Variants in PARD3B observed in about 807,000 individuals in gnomAD.
PARD3B encodes the protein par-3 family cell polarity regulator beta, also known as partitioning defective 3 homolog B.
Under a neutral mutation model 130.2 loss-of-function variants are expected in PARD3B, and 103 were observed. The ratio of observed to expected loss-of-function variants is 0.79; its 90% CI spans 0.67 to 0.93. PARD3B has a LOEUF of 0.93. Among genes scored for constraint, PARD3B ranks in the 40% least tolerant of loss-of-function variants. PARD3B has a pLI of 0.00. For synonymous variants in PARD3B, 583 were observed against 553.2 expected, an observed-to-expected ratio of 1.05 and a Z score of -0.76; for missense variants, 1,609 against 1,499.2, an observed-to-expected ratio of 1.07 and a Z score of -1.21.
intron 4 of PARD3B, among the ~76,000 whole-genome samples, chr2:205,086,853 T>C (rs1043835136): frequency 5.3e-5 from 8 of 152,298 alleles, no homozygotes; most frequent in Middle Eastern, 3.4e-3. Context: ...ATAAATCAAA[T>C]TGTGCAATTC....
At chr2:205,017,937 A>C (rs1036672777) in intron 3 of PARD3B, among the ~76,000 whole-genome samples, 4 of 152,190 alleles carry the variant, frequency 2.6e-5, no homozygotes, top group Non-Finnish European at 5.9e-5. Flanking sequence ...CAGATAAGGA[A>C]CTAGAACTCT....
At position 205,160,114 on chromosome 2, in the gene PARD3B, T is replaced by A. The variant is rs1260017420; in HGVS notation, c.1620+1207T>A. ...TCAGACTAGATGTGGAGATAATGCC[T>A]TTTTCACTGGGAAATAAATGTACTT... On this transcript the variant is annotated intron_variant, in intron 11 of 22. Coordinates refer to ENST00000406610, the MANE Select transcript of PARD3B (RefSeq NM_001302769.2). The surrounding 1 kb of genome is among the most constrained non-coding windows in gnomAD (Gnocchi z 4.0). Among the ~76,000 whole-genome samples, 1 of 152,224 alleles carries A rather than the reference T, an allele frequency of 6.6e-6. No individual in the cohort carries two copies.
Position 204,585,577 on chromosome 2 carries a change from C to T in PARD3B, c.120+39458C>T, listed in dbSNP as rs538934590. Among the ~76,000 whole-genome samples, 5 of 151,344 alleles carry T rather than the reference C, an allele frequency of 3.3e-5. 1 individual carries two copies. The highest frequency in any genetic ancestry group is 6.8e-3 in the Middle Eastern group (2 of 294). ...CTGGCTGGTCCCAAACTCCTGGCCT[C>T]AAGTGATTTTCCTTCCTTGGCCTCC... On this transcript the variant is annotated intron_variant, in intron 1 of 22. Coordinates refer to ENST00000406610, the MANE Select transcript of PARD3B (RefSeq NM_001302769.2).
intron 11 of PARD3B, among the ~76,000 whole-genome samples, chr2:205,170,823 C>G (rs1301139909): frequency 1.5e-5 from 2 of 135,872 alleles, no homozygotes; most frequent in South Asian, 4.6e-4. Context: ...ACATTTCATT[C>G]TGTTAATTTG....
intron 20 of PARD3B, among the ~76,000 whole-genome samples, chr2:205,457,047 G>A (rs548795535): frequency 6.6e-6 from 1 of 151,610 alleles, no homozygotes; most frequent in Non-Finnish European, 1.5e-5. Context: ...TTTCTGGAAA[G>A]GATTGTGTAG....
At chr2:204,647,370 A>AT (rs1009444557) in intron 1 of PARD3B, among the ~76,000 whole-genome samples, 34 of 150,032 alleles carry the variant, frequency 2.3e-4, no homozygotes, top group Admixed American at 4.0e-4. Flanking sequence ...TTATACATGT[A>AT]TTTTTTTTAA....
At chr2:205,377,735 G>A (rs564740849) in intron 18 of PARD3B, among the ~76,000 whole-genome samples, 2 of 150,842 alleles carry the variant, frequency 1.3e-5, no homozygotes, top group Admixed American at 6.6e-5. Flanking sequence ...TTTTGATATC[G>A]AGACCAAGTA....
In PARD3B at chr2:205,011,072, G is replaced by A. The variant is rs984754609; in HGVS notation, c.395-36509G>A. On this transcript the variant is annotated intron_variant, in intron 3 of 22. Transcript: ENST00000406610. The surrounding 1 kb of genome is among the most constrained non-coding windows in gnomAD (Gnocchi z 4.1). ...AGTGGTGGAAGGTATCCCCTAAGCT[G>A]GTAGCACCATTAGGCTAATTGGATA... Among the ~76,000 whole-genome samples, 3 of 152,176 alleles carry A rather than the reference G, an allele frequency of 2.0e-5. No homozygotes were observed. The highest frequency in any genetic ancestry group is 4.8e-5 in the African/African-American group (2 of 41,416).
intron 20 of PARD3B, among the ~76,000 whole-genome samples, chr2:205,475,811 A>T (rs556022106): frequency 1.3e-5 from 2 of 152,318 alleles, no homozygotes; most frequent in East Asian, 3.9e-4. Context: ...TGAAGTGGGC[A>T]TCATATTTGT....
chr2:205,579,228 T>C (rs554447347), intron 22 of PARD3B, among the ~76,000 whole-genome samples: 113 of 152,028 alleles, frequency 7.4e-4, no homozygotes, highest in African/African-American at 2.7e-3. Flanking sequence ...GGGGTGGAGG[T>C]GAGGAATGTC....
chr2:204,567,317 A>G (rs1462022866), intron 1 of PARD3B, among the ~76,000 whole-genome samples: 1 of 152,054 alleles, frequency 6.6e-6, no homozygotes, highest in Non-Finnish European at 1.5e-5. Flanking sequence ...CCCACCTACA[A>G]AACTTGTTCA....
At chr2:204,618,395 TA>T (rs1287623796) in intron 1 of PARD3B, among the ~76,000 whole-genome samples, 1 of 152,136 alleles carries the variant, frequency 6.6e-6, no homozygotes, top group Non-Finnish European at 1.5e-5. Flanking sequence ...TCTACATGTA[TA>T]AAATTATATT....
intron 18 of PARD3B, among the ~76,000 whole-genome samples, chr2:205,396,891 C>T (rs1000894541): frequency 6.6e-6 from 1 of 152,252 alleles, no homozygotes; most frequent in Middle Eastern, 3.4e-3. Context: ...GGAAGATAAA[C>T]CTCCTCAATT....
intron 1 of PARD3B, among the ~76,000 whole-genome samples, chr2:204,654,945 C>T (rs2035595171): frequency 6.6e-6 from 1 of 152,108 alleles, no homozygotes; most frequent in African/African-American, 2.4e-5. Flanking sequence ...TTTGAGACCT[C>T]CTAAAACAAG....
At chr2:204,776,920 T>G (rs975528019) in intron 2 of PARD3B, among the ~76,000 whole-genome samples, 15 of 148,932 alleles carry the variant, frequency 1.0e-4, no homozygotes, top group Non-Finnish European at 1.9e-4. Context: ...AAAACAGGAG[T>G]GTGTATGTGA....
chr2:204,851,392 T>C (rs568449421), intron 2 of PARD3B, among the ~76,000 whole-genome samples: 2 of 152,212 alleles, frequency 1.3e-5, no homozygotes, highest in African/African-American at 4.8e-5. Context: ...TTTAATAGAA[T>C]AGCAGAAGAA....
intron 4 of PARD3B, among the ~76,000 whole-genome samples, chr2:205,092,807 C>T (rs1702187602): frequency 6.6e-6 from 1 of 152,064 alleles, no homozygotes; most frequent in African/African-American, 2.4e-5. Context: ...CCTTTCTCAG[C>T]TGGTGAGAAT....
At chr2:205,134,610 T>C (rs1379274335) in intron 10 of PARD3B, among the ~76,000 whole-genome samples, 2 of 152,204 alleles carry the variant, frequency 1.3e-5, no homozygotes, top group East Asian at 3.9e-4. Context: ...TGCAATGTGC[T>C]CAGAGACTGG....
At chr2:205,055,246 G>A (rs1699560203) in intron 4 of PARD3B, among the ~76,000 whole-genome samples, 1 of 152,196 alleles carries the variant, frequency 6.6e-6, no homozygotes. Context: ...GAAGTTTCTG[G>A]ATAATTTCTT....
Sources: allele counts gnomAD v4.1 joint callset (sites outside exome capture counted in the v4.1 genomes callset), GRCh38; gene constraint gnomAD v4.1.1; non-coding constraint Gnocchi (gnomAD v3.1); transcripts MANE v1.5; gene names NCBI Gene and HGNC (gene_info 2026-07-23, HGNC 2026-07-21).